The following CCDC73 variants were observed in gnomAD, a reference collection of about 807,000 sequenced individuals.
The protein encoded by CCDC73 is coiled-coil domain-containing protein 73.
CCDC73 carries 95 observed loss-of-function variants against 116.5 expected under a neutral mutation model. The ratio of observed to expected loss-of-function variants is 0.82; its 90% CI spans 0.69 to 0.97. The LOEUF is 0.97. Ranked by LOEUF, CCDC73 falls within the 50% of genes least tolerant of loss-of-function variation. CCDC73 has a pLI of 0.00. For missense variants in CCDC73, 1,066 were observed against 1,206.8 expected, an observed-to-expected ratio of 0.88 and a Z score of 1.73; for synonymous variants, 398 against 401.3, an observed-to-expected ratio of 0.99 and a Z score of 0.10.
intron 3 of CCDC73, among the ~76,000 whole-genome samples, chr11:32,704,166 G>A (rs1372939178): frequency 6.6e-6 from 1 of 152,210 alleles, no homozygotes; most frequent in South Asian, 2.1e-4. Context: ...GTGCTCCCAG[G>A]TGCAGCTACA....
At chr11:32,717,316 A>G (rs1005570000) in intron 3 of CCDC73, among the ~76,000 whole-genome samples, 5 of 152,254 alleles carry the variant, frequency 3.3e-5, no homozygotes, top group Non-Finnish European at 5.9e-5. Flanking sequence ...AAAGCTATGG[A>G]GAAAATAAGA....
At chr11:32,817,221 CA>C in the CCDC73 span, among the ~76,000 whole-genome samples, 1 of 152,202 alleles carries the variant, frequency 6.6e-6, no homozygotes, top group African/African-American at 2.4e-5. Flanking sequence ...AACGTCAACG[CA>C]ATGAACATAC....
At chr11:32,742,618 CTGA>C (rs1850198027) in intron 2 of CCDC73, among the ~76,000 whole-genome samples, 1 of 152,316 alleles carries the variant, frequency 6.6e-6, no homozygotes, top group South Asian at 2.1e-4. Flanking sequence ...CCTGTTCACT[CTGA>C]TGATACTTTC....
At position 32,786,307 on chromosome 11, in the gene CCDC73, T is replaced by A. The variant is rs141633313; in HGVS notation, c.-16+8306A>T. ...TTGTAAGTAGTTCATTTATTTATAG[T>A]AATTTATAACAATAAATCTGTTATT... On this transcript the variant is annotated intron_variant, in intron 1 of 17. Transcript: ENST00000335185. Among the ~76,000 whole-genome samples the A allele has an allele frequency of 7.2e-3, 1,072 of 148,728 alleles. 16 individuals carry two copies. Among genetic ancestry groups the A allele is most frequent in the African/African-American group, 0.025 (1,034 of 40,872 alleles).
intron 1 of CCDC73, among the ~76,000 whole-genome samples, chr11:32,778,860 C>T (rs1164187738): frequency 1.3e-5 from 2 of 151,926 alleles, no homozygotes; most frequent in African/African-American, 2.4e-5. Context: ...CAAATATTCC[C>T]AAAATATGAA....
intron 3 of CCDC73, among the ~76,000 whole-genome samples, chr11:32,706,446 T>G (rs1849856844): frequency 6.6e-6 from 1 of 152,132 alleles, no homozygotes; most frequent in African/African-American, 2.4e-5. Context: ...ATAAAATAAC[T>G]AAATGTTCCC....
intron 2 of CCDC73, among the ~76,000 whole-genome samples, chr11:32,748,853 T>G (rs1850263107): frequency 6.6e-6 from 1 of 152,202 alleles, no homozygotes; most frequent in African/African-American, 2.4e-5. Context: ...CCTTTTTTCC[T>G]TCAGCACCAT....
At chr11:32,747,098 G>A (rs996365089) in intron 2 of CCDC73, among the ~76,000 whole-genome samples, 2 of 152,090 alleles carry the variant, frequency 1.3e-5, no homozygotes, top group East Asian at 1.9e-4. Context: ...GGTGACCTAC[G>A]GATGGTGTTT....
intron 17 of CCDC73, among the ~76,000 whole-genome samples, chr11:32,607,336 C>T (rs111468121): frequency 0.03 from 4,520 of 151,552 alleles, 86 homozygotes; most frequent in Non-Finnish European, 0.04. Context: ...TCGTGATCCG[C>T]CCGCCTCGGC....
intron 9 of CCDC73, among the ~76,000 whole-genome samples, chr11:32,669,150 G>A (rs919443179): frequency 7.2e-5 from 11 of 152,164 alleles, no homozygotes; most frequent in South Asian, 6.2e-4. Flanking sequence ...AGTAATTAAC[G>A]TCTTAAAAAA....
chr11:32,817,564 C>A, the CCDC73 span, among the ~76,000 whole-genome samples: 1 of 152,196 alleles, frequency 6.6e-6, no homozygotes, highest in African/African-American at 2.4e-5. Flanking sequence ...TCATTCACTA[C>A]ATCAATTCAT....
intron 7 of CCDC73, chr11:32,683,162 T>A (rs115216533): frequency 0.016 from 3,753 of 229,324 alleles, 146 homozygotes; most frequent in African/African-American, 0.081. Context: ...TTTTGGAATA[T>A]TTGCATTATA....
chr11:32,741,445 A>T (rs1167382636), intron 2 of CCDC73, among the ~76,000 whole-genome samples: 1 of 151,908 alleles, frequency 6.6e-6, no homozygotes, highest in East Asian at 1.9e-4. Context: ...CCCTCAAAAC[A>T]CCTTCTTTGT....
Position 32,602,746 on chromosome 11 carries a change from A to T in CCDC73, c.*65T>A, listed in dbSNP as rs1268743747. ...GAGCTTTAAATACAACAGTCATTTTATTCTAGTAAAAACTATACCAGAATT... is the reference window on the plus strand; with the variant it reads ...GAGCTTTAAATACAACAGTCATTTTTTTCTAGTAAAAACTATACCAGAATT... On this transcript the variant is annotated 3_prime_UTR_variant, in exon 18 of 18. Transcript: ENST00000335185. 8.4e-7 allele frequency: 1 copy of T among 1,195,622 alleles called. No individual in the cohort carries two copies. The highest frequency in any genetic ancestry group is 1.2e-6 in the Non-Finnish European group (1 of 863,902). 74.1% of individuals were successfully genotyped at this position (1,195,622 alleles called of 1,614,324 possible).
chr11:32,780,365 A>G (rs905421627), intron 1 of CCDC73, among the ~76,000 whole-genome samples: 2 of 152,086 alleles, frequency 1.3e-5, no homozygotes, highest in African/African-American at 4.8e-5. Context: ...CTGTGCTAGT[A>G]AAAAGAAAAA....
At chr11:32,820,163 T>C in the CCDC73 span, among the ~76,000 whole-genome samples, 1 of 151,972 alleles carries the variant, frequency 6.6e-6, no homozygotes, top group East Asian at 1.9e-4. Context: ...AACTGGAACT[T>C]TTTTTTTGAG....
At chr11:32,826,646 CA>C in the CCDC73 span, among the ~76,000 whole-genome samples, 505 of 63,468 alleles carry the variant, frequency 8.0e-3, 1 homozygote, top group African/African-American at 0.028. Flanking sequence ...GATAATAACT[CA>C]AAAAAAAAAA....
upstream of CCDC73, among the ~76,000 whole-genome samples, chr11:32,795,431 ACTGCACTC>A (rs1464007726): frequency 6.6e-6 from 1 of 151,418 alleles, no homozygotes; most frequent in African/African-American, 2.4e-5. Context: ...AGACTGCACC[ACTGCACTC>A]CAGCCTAGGC....
At position 32,614,995 on chromosome 11, in the gene CCDC73, T is replaced by G. The variant is rs1855461940; in HGVS notation, c.1376-53A>C. The G allele has an allele frequency of 3.9e-6, 4 of 1,037,906 alleles. No individual in the cohort carries two copies. In the East Asian group the frequency reaches 9.7e-5, roughly 25 times the overall value. The allele number at this position is 1,037,906 out of a possible 1,614,324, so 64.3% of individuals were successfully genotyped here. On this transcript the variant is annotated intron_variant, in intron 15 of 17. Transcript: ENST00000335185. ...TTATATTATACACTAAAGGCTGATT[T>G]CATAAGACATATTTATCACCTATTT...
Sources: allele counts gnomAD v4.1 joint callset (sites outside exome capture counted in the v4.1 genomes callset), GRCh38; gene constraint gnomAD v4.1.1; transcripts MANE v1.5; gene names NCBI Gene and HGNC (gene_info 2026-07-23, HGNC 2026-07-21).